BCAS1: variants seen among roughly 807,000 people sequenced by gnomAD.
BCAS1 encodes the protein brain enriched myelin associated protein 1.
Under a neutral mutation model 65.4 loss-of-function variants are expected in BCAS1, and 46 were observed. The observed-to-expected ratio is 0.70, with a 90% CI of 0.55 to 0.90. The LOEUF (loss-of-function observed/expected upper bound fraction) is 0.90, where lower values mean the gene tolerates loss of function less well. Among genes scored for constraint, BCAS1 ranks in the 40% least tolerant of loss-of-function variants. The pLI is 0.00. For missense variants in BCAS1, 793 were observed against 771.2 expected, an observed-to-expected ratio of 1.03 and a Z score of -0.33; for synonymous variants, 298 against 293.5, an observed-to-expected ratio of 1.02 and a Z score of -0.16.
intron 12 of BCAS1, among the ~76,000 whole-genome samples, chr20:53,947,882 C>A (rs1006607094): frequency 1.3e-5 from 2 of 152,200 alleles, no homozygotes; most frequent in African/African-American, 2.4e-5. Context: ...ATAGCCTTTC[C>A]TGACTAGTTA....
intron 4 of BCAS1, among the ~76,000 whole-genome samples, chr20:54,017,945 T>G (rs1299992067): frequency 6.6e-6 from 1 of 152,180 alleles, no homozygotes; most frequent in Non-Finnish European, 1.5e-5. Flanking sequence ...AAAACCTGCC[T>G]TTAAATACAA....
rs80299311 is a variant in BCAS1, at chr20:54,012,030, C to T, written c.724-15980G>A. Reference sequence around the variant, plus strand: ...GGAACAACCAAACATCAAACTGGTACTTCCACAGCATGGGATACTACTTGG... The same window carrying T: ...GGAACAACCAAACATCAAACTGGTATTTCCACAGCATGGGATACTACTTGG... On this transcript the variant is annotated intron_variant, in intron 4 of 12. Transcript: ENST00000688948. Among the ~76,000 whole-genome samples the T allele has an allele frequency of 2.7e-3, 411 of 152,264 alleles. 4 individuals carry two copies. Among genetic ancestry groups the T allele is most frequent in the African/African-American group, 9.7e-3 (401 of 41,538 alleles).
At chr20:54,048,126 G>A (rs774593674) in intron 3 of BCAS1, among the ~76,000 whole-genome samples, 1 of 152,160 alleles carries the variant, frequency 6.6e-6, no homozygotes, top group African/African-American at 2.4e-5. Context: ...AAGGTGGAGA[G>A]TTGAGGATAG....
intron 10 of BCAS1, among the ~76,000 whole-genome samples, chr20:53,959,234 G>A (rs916659126): frequency 2.0e-5 from 3 of 151,900 alleles, no homozygotes; most frequent in Middle Eastern, 3.4e-3. Context: ...AGGACTACAG[G>A]TGTACACCAC....
Position 54,014,171 on chromosome 20 carries a change from C to T in BCAS1, c.723+14221G>A, listed in dbSNP as rs115171829. 3.0e-3 allele frequency among the ~76,000 whole-genome samples: 455 copies of T among 152,284 alleles called. 3 individuals are homozygous for T. The highest frequency in any genetic ancestry group is 0.01 in the African/African-American group (433 of 41,560). On this transcript the variant is annotated intron_variant, in intron 4 of 12. Transcript: ENST00000688948. ...GCTGCTGCTATTCTCATCAGGCCTC[C>T]GAATCATTCTCAGCAAACAACATTA...
Position 53,966,886 on chromosome 20 carries a change from A to G in BCAS1, c.1485+20T>C. 1.9e-6 allele frequency: 3 copies of G among 1,589,252 alleles called. No individual in the cohort carries two copies. Among genetic ancestry groups the G allele is most frequent in the Non-Finnish European group, 2.6e-6 (3 of 1,171,298 alleles). On this transcript the variant is annotated intron_variant, in intron 10 of 12. Coordinates refer to ENST00000688948, the MANE Select transcript of BCAS1 (RefSeq NM_001366298.2). ...GCTCTAGGTATCTTAGGTTTCCTAT[A>G]CTGGAAGTAAGGGGCTTACCATTTG...
intron 4 of BCAS1, among the ~76,000 whole-genome samples, chr20:54,008,081 G>T (rs1296511682): frequency 1.3e-5 from 2 of 152,218 alleles, no homozygotes; most frequent in Non-Finnish European, 2.9e-5. Context: ...AATCTGGCAA[G>T]ACAGAAAACT....
In BCAS1 at chr20:54,058,736, G is replaced by T; in HGVS notation, c.-5-13C>A. The T allele has an allele frequency of 6.2e-7, 1 of 1,607,930 alleles. No homozygotes were observed. On this transcript the variant is annotated splice_polypyrimidine_tract_variant and intron_variant, in intron 1 of 12. Transcript: ENST00000688948. Reference sequence around the variant, plus strand: ...TTACCCATTGCTCCTATAATGGAGAGAAAGAGAGGAAGAGAGAAAGAAATC... The same window carrying T: ...TTACCCATTGCTCCTATAATGGAGATAAAGAGAGGAAGAGAGAAAGAAATC...
At chr20:53,952,779 A>T (rs1293709705) in intron 12 of BCAS1, among the ~76,000 whole-genome samples, 1 of 152,186 alleles carries the variant, frequency 6.6e-6, no homozygotes, top group Non-Finnish European at 1.5e-5. Flanking sequence ...ACCCAATCAG[A>T]TAAGTTTTCT....
At chr20:54,006,768 G>C (rs1568869487) in intron 4 of BCAS1, among the ~76,000 whole-genome samples, 1 of 152,044 alleles carries the variant, frequency 6.6e-6, no homozygotes. Flanking sequence ...CAAGTCTGGG[G>C]ACTTGCCTAC....
In BCAS1 at chr20:54,034,644, A is replaced by G. The variant is rs2091864575; in HGVS notation, c.143-5672T>C. Among the ~76,000 whole-genome samples, 2 of 151,388 alleles carry G rather than the reference A, an allele frequency of 1.3e-5. 1 individual carries two copies. The highest frequency in any genetic ancestry group is 3.0e-5 in the Non-Finnish European group (2 of 67,642). On this transcript the variant is annotated intron_variant, in intron 3 of 12. Transcript: ENST00000688948. ...CAAAGAAATTAGAGATGACACAAAC[A>G]AATGGAAAAACATTCCATGTTCATT...
intron 10 of BCAS1, among the ~76,000 whole-genome samples, chr20:53,961,450 T>C (rs1355995424): frequency 2.6e-5 from 4 of 152,210 alleles, no homozygotes; most frequent in Non-Finnish European, 4.4e-5. Context: ...CAATGCTCAC[T>C]TGAAATGGAA....
chr20:54,060,568 C>T (rs1301471109), intron 1 of BCAS1, among the ~76,000 whole-genome samples: 4 of 147,936 alleles, frequency 2.7e-5, no homozygotes, highest in African/African-American at 4.9e-5. Context: ...GTGATCCACC[C>T]GCCTTGGCCT....
At chr20:54,011,013 A>G (rs565311952) in intron 4 of BCAS1, among the ~76,000 whole-genome samples, 168 of 152,312 alleles carry the variant, frequency 1.1e-3, no homozygotes, top group Middle Eastern at 6.8e-3. Context: ...GTGCTAGAGC[A>G]ATTTGACATC....
At chr20:54,065,132 CTATCT>C (rs2092421715) in intron 1 of BCAS1, among the ~76,000 whole-genome samples, 1 of 141,354 alleles carries the variant, frequency 7.1e-6, no homozygotes, top group Non-Finnish European at 1.6e-5. Flanking sequence ...ATCTATCTAT[CTATCT>C]ATCTATCTAT....
intron 3 of BCAS1, among the ~76,000 whole-genome samples, chr20:54,037,150 A>G (rs2091913264): frequency 6.6e-6 from 1 of 151,222 alleles, no homozygotes; most frequent in South Asian, 2.1e-4. Flanking sequence ...AGACTGGGTG[A>G]TTTATAAAGG....
intron 3 of BCAS1, among the ~76,000 whole-genome samples, chr20:54,030,698 G>A (rs1372402941): frequency 6.6e-6 from 1 of 151,312 alleles, no homozygotes; most frequent in Non-Finnish European, 1.5e-5. Flanking sequence ...AAAAAGGGGG[G>A]AGAGTGAGCT....
At chr20:53,979,218 G>C (rs192197393) in intron 8 of BCAS1, among the ~76,000 whole-genome samples, 1 of 152,266 alleles carries the variant, frequency 6.6e-6, no homozygotes, top group East Asian at 1.9e-4. Context: ...ATGTATTGAA[G>C]TAGAGCAAAA....
chr20:54,058,593 CTTTTTTTTTT>C lies in BCAS1; in HGVS notation c.72+44_72+53del, dbSNP rs3043223. 3.6e-5 allele frequency: 44 copies of C among 1,224,746 alleles called. No individual in the cohort carries two copies. In the East Asian group the frequency reaches 1.0e-3, roughly 29 times the overall value. 75.9% of individuals were successfully genotyped at this position (1,224,746 alleles called of 1,614,324 possible). A position where few individuals can be genotyped will look rare whatever the true frequency, so the allele number is the denominator to read the frequency against. The stretch of plus-strand genomic sequence containing the variant: ...ACACACTTGTCAAATACAGGAAGTT[CTTTTTTTTTT>C]TTTTTTTTTTCTGCTGATGCCCCTG... On this transcript the variant is annotated intron_variant, in intron 2 of 12. Transcript: ENST00000688948.
Sources: gnomAD v4.1 joint callset for allele counts (sites outside exome capture counted in the v4.1 genomes callset) on GRCh38, gnomAD v4.1.1 for gene constraint, MANE v1.5 for transcripts, NCBI Gene and HGNC (gene_info 2026-07-23, HGNC 2026-07-21) for gene names.